Variants in INO80D observed in about 807,000 individuals in gnomAD.
INO80D encodes the protein INO80 complex subunit D.
A neutral mutation model predicts 87.6 loss-of-function variants in INO80D; 21 were observed. That is an observed-to-expected ratio of 0.24 (90% CI 0.17 to 0.35). The LOEUF (loss-of-function observed/expected upper bound fraction) is 0.35, where lower values mean the gene tolerates loss of function less well. INO80D is among the 10% of genes least tolerant of loss of function. The pLI is 1.00. For missense variants in INO80D, 982 were observed against 1,280.7 expected (o/e 0.77, Z 3.56); for synonymous variants, 440 against 491.0 (o/e 0.90, Z 1.37).
intron 1 of INO80D, chr2:206,063,469 G>A (rs2105891542): frequency 5.9e-6 from 1 of 170,332 alleles, no homozygotes; most frequent in South Asian, 1.6e-4. Flanking sequence ...GGAGGCGGGT[G>A]GATTACTTGA....
At chr2:206,045,589 G>A (rs1418047984) in intron 5 of INO80D, among the ~76,000 whole-genome samples, 1 of 151,952 alleles carries the variant, frequency 6.6e-6, no homozygotes, top group Non-Finnish European at 1.5e-5. Context: ...AACTTCTACA[G>A]ATCTTAGACA....
At chr2:206,075,008 C>T (rs1024463013) in intron 1 of INO80D, among the ~76,000 whole-genome samples, 6 of 130,244 alleles carry the variant, frequency 4.6e-5, no homozygotes, top group African/African-American at 1.8e-4. Context: ...CACTGCACTC[C>T]AGCCTGGATG....
In INO80D at chr2:205,997,476, T is replaced by A. The variant is rs942161942; in HGVS notation, c.*6892A>T. On this transcript the variant is annotated 3_prime_UTR_variant, in exon 11 of 11. Transcript: ENST00000403263. ...ATTGTTTATGAAAGGCCTATACTTT[T>A]TCTTAACTTCACCAAGAAAAGATGA... The A allele has an allele frequency of 1.3e-5, 2 of 152,190 alleles. No homozygotes were observed. Among genetic ancestry groups the A allele is most frequent in the Non-Finnish European group, 2.9e-5 (2 of 67,984 alleles). The allele number at this position is 152,190 out of a possible 1,614,324, so 9.4% of individuals were successfully genotyped here.
At chr2:206,075,737 T>C (rs1690099341) in intron 1 of INO80D, among the ~76,000 whole-genome samples, 2 of 150,890 alleles carry the variant, frequency 1.3e-5, no homozygotes, top group African/African-American at 2.4e-5. Context: ...CGTGCCCAGT[T>C]CATACCTTAT....
chr2:206,055,241 C>G (rs1427753964), intron 4 of INO80D, among the ~76,000 whole-genome samples: 2 of 152,100 alleles, frequency 1.3e-5, no homozygotes, highest in African/African-American at 4.8e-5. Context: ...TAAATTTCAA[C>G]TGAATTAAAG....
chr2:206,069,944 A>AACTCTC (rs1689915838), intron 1 of INO80D, among the ~76,000 whole-genome samples: 1 of 152,056 alleles, frequency 6.6e-6, no homozygotes, highest in South Asian at 2.1e-4. Flanking sequence ...AAAAGAGCAG[A>AACTCTC]TTTGTGGAAA....
chr2:206,006,231 G>T (rs556945075), intron 10 of INO80D, among the ~76,000 whole-genome samples: 24 of 152,056 alleles, frequency 1.6e-4, no homozygotes, highest in Non-Finnish European at 3.4e-4. Flanking sequence ...GGAAATATTC[G>T]ATTTTTAATG....
rs1037619501 is a variant in INO80D at position 206,058,312 on chromosome 2, G to A, written c.219-1369C>T. 5.3e-5 allele frequency among the ~76,000 whole-genome samples: 8 copies of A among 151,664 alleles called. No individual in the cohort carries two copies. The South Asian group carries it at 8.3e-4, about 16-fold the overall frequency. On this transcript the variant is annotated intron_variant, in intron 3 of 10. Coordinates refer to ENST00000403263, the MANE Select transcript of INO80D (RefSeq NM_017759.5). ...CAGGAGCCTGTAGTCCCAGCTACTC[G>A]GGAGGCTGAGGCAGGAGAATGGCGC...
Position 206,025,542 on chromosome 2 carries a change from AATATATATATAT to A in INO80D, c.1298+2557_1298+2568del, listed in dbSNP as rs1553616186. 3.2e-4 allele frequency: 25 copies of A among 76,946 alleles called. 1 individual carries two copies. The highest frequency in any genetic ancestry group is 1.4e-3 in the Admixed American group (7 of 4,900). 4.8% of individuals were successfully genotyped at this position (76,946 alleles called of 1,614,324 possible). On this transcript the variant is annotated intron_variant, in intron 6 of 10. Coordinates refer to ENST00000403263, the MANE Select transcript of INO80D (RefSeq NM_017759.5). ...AAACTCCATCTCAAAAAAAAAAAAA[AATATATATATAT>A]ATATATATATATATAAAATAACTAA...
At position 206,079,202 on chromosome 2, in the gene INO80D, A is replaced by G. The variant is rs535942815; in HGVS notation, c.-124+6699T>C. 1.8e-3 allele frequency among the ~76,000 whole-genome samples: 271 copies of G among 152,112 alleles called. 1 individual carries two copies. Among genetic ancestry groups the G allele is most frequent in the South Asian group, 0.01 (50 of 4,824 alleles). ...ATCCTCTCACCTCAGCCTCCTGAGT[A>G]GCTGGGACTACAAAAATGCACTACC... On this transcript the variant is annotated intron_variant, in intron 1 of 10. Transcript: ENST00000403263.
At chr2:206,029,873 C>T (rs1286328132) in intron 5 of INO80D, among the ~76,000 whole-genome samples, 1 of 152,096 alleles carries the variant, frequency 6.6e-6, no homozygotes, top group African/African-American at 2.4e-5. Flanking sequence ...AGAATAAAAA[C>T]AGTAACAAAA....
At chr2:206,065,242 A>G (rs762408277) in intron 1 of INO80D, among the ~76,000 whole-genome samples, 59 of 152,256 alleles carry the variant, frequency 3.9e-4, no homozygotes, top group Admixed American at 9.2e-4. Context: ...AGGCCGAGGC[A>G]GGCGGATCAT....
At chr2:206,026,598 AC>A (rs1387123412) in intron 6 of INO80D, among the ~76,000 whole-genome samples, 1 of 150,788 alleles carries the variant, frequency 6.6e-6, no homozygotes, top group Non-Finnish European at 1.5e-5. Flanking sequence ...TATATAAAAA[AC>A]AAAATTGTGT....
In INO80D at chr2:206,056,760, A is replaced by T. The variant is rs1345585072; in HGVS notation, c.402T>A (p.Pro134=). Residue 134 remains proline (P), a synonymous_variant, in exon 4 of 11, where the codon CCT becomes CCA. Transcript: ENST00000403263. Reference sequence around the variant, plus strand: ...GGTAGTGGAGAGGGACCCTTGCCCCAGGTGGAGAGAGGGACATTCCATCCA... The same window carrying T: ...GGTAGTGGAGAGGGACCCTTGCCCCTGGTGGAGAGAGGGACATTCCATCCA... The part of the protein sequence containing the change: ...NGLDGMSLSP[P]GARVPLHYLE... 6.2e-7 allele frequency: 1 copy of T among 1,612,796 alleles called. No individual in the cohort carries two copies. Among genetic ancestry groups the T allele is most frequent in the South Asian group, 1.1e-5 (1 of 90,796 alleles).
Position 206,007,429 on chromosome 2 carries a change from C to A in INO80D, c.1773G>T (p.Thr591=), listed in dbSNP as rs748893377. The change falls in exon 10 of 11, where the codon ACG becomes ACT. Residue 591 remains threonine, a synonymous_variant. Coordinates refer to ENST00000403263, the MANE Select transcript of INO80D (RefSeq NM_017759.5). ...GCAACTCATCAGCACTCAGCTCTGGCGTGGATGGGCTCCTGGGAAAGAGGA... is the reference window on the plus strand; with the variant it reads ...GCAACTCATCAGCACTCAGCTCTGGAGTGGATGGGCTCCTGGGAAAGAGGA... The part of the protein sequence containing the change: ...VEASHIRSPS[T]PELSADELPD... 6.2e-7 allele frequency: 1 copy of A among 1,609,518 alleles called. No homozygotes were observed. Among genetic ancestry groups the A allele is most frequent in the Non-Finnish European group, 8.5e-7 (1 of 1,178,284 alleles).
At chr2:206,035,918 G>A (rs1688880441) in intron 5 of INO80D, among the ~76,000 whole-genome samples, 1 of 152,032 alleles carries the variant, frequency 6.6e-6, no homozygotes, top group Non-Finnish European at 1.5e-5. Flanking sequence ...GTGGGCTACG[G>A]ACATGAATAG....
chr2:206,040,763 C>G, intron 5 of INO80D: 1 of 267,134 alleles, frequency 3.7e-6, no homozygotes. Context: ...AAACACAAGT[C>G]CCAATGGGAG....
At chr2:206,045,912 C>A (rs929567569) in intron 5 of INO80D, among the ~76,000 whole-genome samples, 1 of 152,164 alleles carries the variant, frequency 6.6e-6, no homozygotes, top group African/African-American at 2.4e-5. Context: ...GTGGGCCTTG[C>A]TTTCCTCTTC....
chr2:205,993,819 AT>A lies in INO80D; in HGVS notation c.*10548del, dbSNP rs1467077915. The A allele has an allele frequency of 6.6e-6, 1 of 152,222 alleles. No homozygotes were observed. The highest frequency in any genetic ancestry group is 1.5e-5 in the Non-Finnish European group (1 of 68,042). 9.4% of individuals were successfully genotyped at this position (152,222 alleles called of 1,614,324 possible). On this transcript the variant is annotated 3_prime_UTR_variant, in exon 11 of 11. Transcript: ENST00000403263. ...AATACATACAGTGTTTCATACACAT[AT>A]TACATCAGTTTTTACACAAGAAAAA...
Sources: gnomAD v4.1 joint callset for allele counts (sites outside exome capture counted in the v4.1 genomes callset) on GRCh38, gnomAD v4.1.1 for gene constraint, MANE v1.5 for transcripts, NCBI Gene and HGNC (gene_info 2026-07-23, HGNC 2026-07-21) for gene names.